NTM: variants seen among roughly 807,000 people sequenced by gnomAD.
NTM encodes the protein IgLON family member 2.
Under a neutral mutation model 42.1 loss-of-function variants are expected in NTM, and 13 were observed. The ratio of observed to expected loss-of-function variants is 0.31; its 90% CI spans 0.20 to 0.49. NTM has a LOEUF of 0.49. NTM is among the 20% of genes least tolerant of loss of function. The probability of loss-of-function intolerance (pLI) is 0.99; values close to 1 mark genes in which losing one functional copy is unlikely to be tolerated. For missense variants in NTM, 373 were observed against 452.8 expected (o/e 0.82, Z 1.60); for synonymous variants, 187 against 179.2 (o/e 1.04, Z -0.35).
At chr11:131,886,116 G>A (rs1262444889) in intron 1 of NTM, among the ~76,000 whole-genome samples, 1 of 152,158 alleles carries the variant, frequency 6.6e-6, no homozygotes, top group Admixed American at 6.5e-5. Context: ...CTGAGGGCAA[G>A]CCAGGCACAA....
intron 2 of NTM, among the ~76,000 whole-genome samples, chr11:132,137,904 G>A (rs2068262538): frequency 6.6e-6 from 1 of 152,192 alleles, no homozygotes; most frequent in African/African-American, 2.4e-5. Flanking sequence ...CACACAGAGA[G>A]CAACGTGCTA....
intron 1 of NTM, among the ~76,000 whole-genome samples, chr11:131,670,288 G>T (rs1053141988): frequency 4.0e-5 from 6 of 151,876 alleles, no homozygotes; most frequent in African/African-American, 1.5e-4. Context: ...ACCAAAGAAG[G>T]AAAAATAGAA....
intron 2 of NTM, among the ~76,000 whole-genome samples, chr11:132,102,624 C>T (rs953310173): frequency 1.3e-5 from 2 of 152,228 alleles, no homozygotes; most frequent in African/African-American, 4.8e-5. Context: ...TTATTTTCCA[C>T]AGTGTGGAAG....
intron 1 of NTM, among the ~76,000 whole-genome samples, chr11:131,487,906 A>G (rs1565554883): frequency 6.6e-6 from 1 of 152,200 alleles, no homozygotes; most frequent in Non-Finnish European, 1.5e-5. Context: ...GCATTTGCCA[A>G]GTTCAACTAG....
At chr11:131,794,853 T>G in intron 1 of NTM, 1 of 985,348 alleles carries the variant, frequency 1.0e-6, no homozygotes, top group Non-Finnish European at 1.2e-6. Context: ...AAAGCTGCCA[T>G]AGGTAACGGC....
chr11:131,823,440 A>G (rs916409288), intron 1 of NTM, among the ~76,000 whole-genome samples: 3 of 152,228 alleles, frequency 2.0e-5, no homozygotes, highest in African/African-American at 7.2e-5. Context: ...CTGGCCCACC[A>G]GAGACGCGGC....
At chr11:131,510,620 A>G (rs1376260890) in intron 1 of NTM, among the ~76,000 whole-genome samples, 1 of 152,108 alleles carries the variant, frequency 6.6e-6, no homozygotes, top group East Asian at 1.9e-4. Context: ...CTATCATATC[A>G]CTTTTATGAT....
chr11:132,279,674 T>TA (rs1208679786), intron 4 of NTM, among the ~76,000 whole-genome samples: 1 of 152,212 alleles, frequency 6.6e-6, no homozygotes, highest in Non-Finnish European at 1.5e-5. Context: ...ATTTAGCCTT[T>TA]AAAAATCTCA....
intron 1 of NTM, among the ~76,000 whole-genome samples, chr11:131,790,734 A>G (rs1048796280): frequency 1.3e-5 from 2 of 152,176 alleles, no homozygotes; most frequent in African/African-American, 2.4e-5. Context: ...CTTACAGCTC[A>G]CAAGACAGTA....
intron 2 of NTM, among the ~76,000 whole-genome samples, chr11:132,038,291 A>T (rs1162599220): frequency 6.6e-6 from 1 of 152,172 alleles, no homozygotes; most frequent in African/African-American, 2.4e-5. Flanking sequence ...GCATTCTTTG[A>T]CCAAAGATAT....
At chr11:132,091,002 A>G (rs910945950) in intron 2 of NTM, among the ~76,000 whole-genome samples, 7 of 152,096 alleles carry the variant, frequency 4.6e-5, no homozygotes, top group African/African-American at 1.2e-4. Flanking sequence ...AATTTTCTCC[A>G]TTCCACACAA....
chr11:131,898,386 C>T (rs969487146), intron 1 of NTM, among the ~76,000 whole-genome samples: 1 of 152,206 alleles, frequency 6.6e-6, no homozygotes, highest in African/African-American at 2.4e-5. Context: ...TTCATTAATT[C>T]TTCTCCCATT....
intron 1 of NTM, among the ~76,000 whole-genome samples, chr11:131,631,662 CTGTT>C (rs2063673931): frequency 6.6e-6 from 1 of 152,242 alleles, no homozygotes; most frequent in Non-Finnish European, 1.5e-5. Flanking sequence ...ATTTCCATAA[CTGTT>C]TGGTCCTAAT....
rs1390049951 is a variant in NTM at position 131,393,837 on chromosome 11, G to C, written c.82+22949G>C. ...GGGATATTAAATCCACCAGTGATAC[G>C]TGCAATTGGGAGAGGCTTTTGTTGT... On this transcript the variant is annotated intron_variant, in intron 1 of 8. Transcript: ENST00000683400. Among the ~76,000 whole-genome samples the C allele has an allele frequency of 2.6e-5, 4 of 152,342 alleles. No homozygotes were observed. In the East Asian group the frequency reaches 7.7e-4, roughly 29 times the overall value.
rs188188619 is a variant in NTM, at chr11:132,186,012, C to T, written c.401-26010C>T. Among the ~76,000 whole-genome samples the T allele has an allele frequency of 1.0e-3, 153 of 152,242 alleles. No individual in the cohort carries two copies. The Middle Eastern group carries it at 0.024, about 24-fold the overall frequency. On this transcript the variant is annotated intron_variant, in intron 3 of 8. Transcript: ENST00000683400. ...TTCCCACCCTAGAAATGGGGGATTA[C>T]GGGAAGAATGAAGTCAAATCTAAAG...
chr11:132,210,931 T>C (rs2082725059), intron 3 of NTM, among the ~76,000 whole-genome samples: 1 of 151,564 alleles, frequency 6.6e-6, no homozygotes, highest in Non-Finnish European at 1.5e-5. Context: ...CTAGGGGGAG[T>C]CATTTAGTGG....
chr11:131,429,628 T>G (rs1034475120), intron 1 of NTM, among the ~76,000 whole-genome samples: 3 of 152,200 alleles, frequency 2.0e-5, no homozygotes, highest in African/African-American at 7.2e-5. Flanking sequence ...CCAGAGCCAC[T>G]TAAATTGACA....
intron 1 of NTM, among the ~76,000 whole-genome samples, chr11:131,689,168 G>A (rs373575584): frequency 1.3e-5 from 2 of 152,186 alleles, no homozygotes; most frequent in African/African-American, 2.4e-5. Context: ...TGTGAGGACC[G>A]AGCCCCTTCT....
intron 1 of NTM, among the ~76,000 whole-genome samples, chr11:131,394,575 C>T (rs189092236): frequency 1.3e-3 from 196 of 152,312 alleles, no homozygotes; most frequent in Non-Finnish European, 2.9e-4. Flanking sequence ...AACGAACCTT[C>T]CAGCCCCAGA....
Sources: gnomAD v4.1 joint callset for allele counts (sites outside exome capture counted in the v4.1 genomes callset) on GRCh38, gnomAD v4.1.1 for gene constraint, MANE v1.5 for transcripts, NCBI Gene and HGNC (gene_info 2026-07-23, HGNC 2026-07-21) for gene names.